NAV3: variants seen among roughly 807,000 people sequenced by gnomAD.
The protein encoded by NAV3 is pore membrane and/or filament interacting like protein 1.
NAV3 carries 87 observed loss-of-function variants against 244.7 expected under a neutral mutation model. That is an observed-to-expected ratio of 0.36 (90% confidence interval 0.30 to 0.42). The LOEUF is 0.42. Ranked by LOEUF, NAV3 falls within the 20% of genes least tolerant of loss-of-function variation. The pLI is 1.00. For missense variants in NAV3, 2,663 were observed against 2,893.3 expected, an observed-to-expected ratio of 0.92 and a Z score of 1.83; for synonymous variants, 1,126 against 1,042.2, an observed-to-expected ratio of 1.08 and a Z score of -1.55.
rs555935577 is a variant in NAV3, at chr12:77,952,353, G to T, written c.414+11220G>T. On this transcript the variant is annotated intron_variant, in intron 3 of 39. Transcript: ENST00000397909. Reference sequence around the variant, plus strand: ...GTCTCGCACTATTTGTTGAAAAGTTGATCTTTGCTTCATTGTATTGCCTTT... The same window carrying T: ...GTCTCGCACTATTTGTTGAAAAGTTTATCTTTGCTTCATTGTATTGCCTTT... 4.6e-5 allele frequency among the ~76,000 whole-genome samples: 7 copies of T among 152,182 alleles called. No individual in the cohort carries two copies. In the East Asian group the frequency reaches 1.2e-3, roughly 25 times the overall value.
chr12:78,094,839 G>T, intron 12 of NAV3, among the ~76,000 whole-genome samples: 1 of 151,764 alleles, frequency 6.6e-6, no homozygotes. Flanking sequence ...ACGAGGTCAG[G>T]AGATTGAGAC....
At chr12:78,025,144 A>G (rs1481046117) in intron 9 of NAV3, among the ~76,000 whole-genome samples, 1 of 152,126 alleles carries the variant, frequency 6.6e-6, no homozygotes, top group Non-Finnish European at 1.5e-5. Flanking sequence ...CTCTTATTGA[A>G]GTCACCACTA....
intron 1 of NAV3, among the ~76,000 whole-genome samples, chr12:77,898,258 G>T (rs1037430628): frequency 6.6e-6 from 1 of 151,834 alleles, no homozygotes. Flanking sequence ...AAATATCATC[G>T]AACTTGTCAA....
intron 1 of NAV3, among the ~76,000 whole-genome samples, chr12:77,927,187 T>C (rs1457370623): frequency 6.6e-6 from 1 of 152,240 alleles, no homozygotes; most frequent in African/African-American, 2.4e-5. Context: ...TATTAATATT[T>C]AGATTTTAGC....
At chr12:78,003,486 A>G (rs527622971) in intron 7 of NAV3, among the ~76,000 whole-genome samples, 8 of 152,344 alleles carry the variant, frequency 5.3e-5, no homozygotes, top group Admixed American at 2.6e-4. Context: ...GTCACTTATT[A>G]TATTTCAGAG....
intron 2 of NAV3, among the ~76,000 whole-genome samples, chr12:77,583,787 T>C (rs972041907): frequency 1.3e-5 from 2 of 152,174 alleles, no homozygotes; most frequent in African/African-American, 4.8e-5. Context: ...CAATCTGAGC[T>C]CTTTAACATG....
chr12:77,846,032 A>G (rs1000538736), intron 1 of NAV3, among the ~76,000 whole-genome samples: 9 of 152,180 alleles, frequency 5.9e-5, no homozygotes, highest in Non-Finnish European at 8.8e-5. Flanking sequence ...GCACATAAAG[A>G]TTACTGATCT....
intron 5 of NAV3, among the ~76,000 whole-genome samples, chr12:77,972,004 T>C (rs1893036384): frequency 6.6e-6 from 1 of 152,196 alleles, no homozygotes; most frequent in Non-Finnish European, 1.5e-5. Context: ...ATAGCTTTCA[T>C]TTAAACAGAA....
At chr12:78,113,882 AAAATTAAGTTC>A (rs1955233194) in intron 12 of NAV3, among the ~76,000 whole-genome samples, 1 of 152,178 alleles carries the variant, frequency 6.6e-6, no homozygotes, top group Non-Finnish European at 1.5e-5. Context: ...CTTCCCTTTT[AAAATTAAGTTC>A]CAATTCCAAA....
intron 2 of NAV3, among the ~76,000 whole-genome samples, chr12:77,655,367 T>C (rs1013245959): frequency 2.0e-5 from 3 of 151,990 alleles, no homozygotes; most frequent in Non-Finnish European, 4.4e-5. Context: ...TGATGGAAGA[T>C]GAAATGAATG....
chr12:78,021,399 A>C (rs544042012), intron 8 of NAV3, among the ~76,000 whole-genome samples: 1 of 152,270 alleles, frequency 6.6e-6, no homozygotes, highest in East Asian at 1.9e-4. Flanking sequence ...TAATACTTTC[A>C]CTATTCTCAC....
intron 8 of NAV3, among the ~76,000 whole-genome samples, chr12:78,021,370 A>G (rs945940179): frequency 5.9e-5 from 9 of 152,148 alleles, no homozygotes; most frequent in African/African-American, 1.9e-4. Context: ...GTTTTAAAAA[A>G]GAATTTTAGG....
At chr12:77,840,054 T>C (rs1475457456) in intron 1 of NAV3, among the ~76,000 whole-genome samples, 1 of 152,046 alleles carries the variant, frequency 6.6e-6, no homozygotes. Flanking sequence ...GCCTGGGGGA[T>C]AGAGTAAGAA....
At chr12:77,585,595 A>C (rs1869566251) in intron 2 of NAV3, among the ~76,000 whole-genome samples, 2 of 152,188 alleles carry the variant, frequency 1.3e-5, no homozygotes, top group Non-Finnish European at 2.9e-5. Context: ...AGATTCTCAT[A>C]AGGAGCTCAG....
chr12:78,140,086 G>A (rs778110390), intron 19 of NAV3, among the ~76,000 whole-genome samples, 196 bp from the exon 20 acceptor site: 1 of 152,104 alleles, frequency 6.6e-6, no homozygotes, highest in Non-Finnish European at 1.5e-5. Context: ...GGTACTTTAG[G>A]GAGTATGGAT....
chr12:77,700,474 C>T (rs1332340027), intron 2 of NAV3, among the ~76,000 whole-genome samples: 1 of 152,098 alleles, frequency 6.6e-6, no homozygotes, highest in Non-Finnish European at 1.5e-5. Flanking sequence ...AGAATACAGA[C>T]AGTTTAAATT....
chr12:78,141,114 C>T (rs1956592637), intron 20 of NAV3, among the ~76,000 whole-genome samples: 1 of 151,954 alleles, frequency 6.6e-6, no homozygotes, highest in Admixed American at 6.6e-5. Context: ...CTGATCAATA[C>T]CCATGGCTTC....
intron 2 of NAV3, among the ~76,000 whole-genome samples, chr12:77,580,182 A>G (rs1250098071): frequency 6.6e-6 from 1 of 151,682 alleles, no homozygotes; most frequent in African/African-American, 2.4e-5. Context: ...AGGCTCCCCT[A>G]AAAGTGAAGA....
intron 2 of NAV3, among the ~76,000 whole-genome samples, chr12:77,699,211 G>C (rs1875451466): frequency 6.6e-6 from 1 of 152,034 alleles, no homozygotes; most frequent in Admixed American, 6.6e-5. Flanking sequence ...TAACTAACAG[G>C]GTTGTCTGGC....
Sources: gnomAD v4.1 joint callset for allele counts (sites outside exome capture counted in the v4.1 genomes callset) on GRCh38, gnomAD v4.1.1 for gene constraint, MANE v1.5 for transcripts, NCBI Gene and HGNC (gene_info 2026-07-23, HGNC 2026-07-21) for gene names.